Variants in SLC25A48 observed in about 807,000 individuals in gnomAD.
SLC25A48 encodes the protein solute carrier family 25 member 48, also known as CTC-321K16.1.
SLC25A48 carries 29 observed loss-of-function variants against 32.2 expected under a neutral mutation model. That is an observed-to-expected ratio of 0.90 (90% CI 0.67 to 1.23). The LOEUF (loss-of-function observed/expected upper bound fraction) is 1.23, where lower values mean the gene tolerates loss of function less well. Among genes scored for constraint, SLC25A48 ranks in the 50% most tolerant of loss-of-function variants. The probability of loss-of-function intolerance (pLI) is 0.00; values close to 1 mark genes in which losing one functional copy is unlikely to be tolerated. For missense variants in SLC25A48, 399 were observed against 422.7 expected, an observed-to-expected ratio of 0.94 and a Z score of 0.49; for synonymous variants, 164 against 172.3, an observed-to-expected ratio of 0.95 and a Z score of 0.38.
intron 3 of SLC25A48, among the ~76,000 whole-genome samples, chr5:135,654,174 G>A (rs17168792): frequency 0.02 from 2,999 of 152,286 alleles, 109 homozygotes; most frequent in African/African-American, 0.066. Context: ...AATAGTGCAA[G>A]AAGGCTGGAT....
At chr5:135,734,821 CA>C (rs1186711507) in intron 3 of SLC25A48, among the ~76,000 whole-genome samples, 55 of 116,768 alleles carry the variant, frequency 4.7e-4, no homozygotes, top group African/African-American at 6.1e-4. Flanking sequence ...CATCTCAAAA[CA>C]AAAAAAAAAA....
intron 1 of SLC25A48, among the ~76,000 whole-genome samples, chr5:135,580,024 C>T (rs888671209): frequency 6.6e-6 from 1 of 152,096 alleles, no homozygotes; most frequent in African/African-American, 2.4e-5. Flanking sequence ...TTGTCAGTAC[C>T]CAGGAAATGT....
intron 3 of SLC25A48, among the ~76,000 whole-genome samples, chr5:135,637,262 G>A (rs1233006732): frequency 1.3e-5 from 2 of 152,180 alleles, no homozygotes; most frequent in African/African-American, 4.8e-5. Flanking sequence ...TTGAACCAGA[G>A]GAGGAAAGCT....
At chr5:135,799,203 A>C (rs1020260600) in intron 3 of SLC25A48, among the ~76,000 whole-genome samples, 3 of 151,762 alleles carry the variant, frequency 2.0e-5, no homozygotes, top group African/African-American at 7.3e-5. Context: ...AGAGAATGCC[A>C]TTACTCCCAA....
chr5:135,875,024 G>T, intron 6 of SLC25A48: 1 of 335,286 alleles, frequency 3.0e-6, no homozygotes, highest in Non-Finnish European at 5.4e-6. Flanking sequence ...CGGGGCATTT[G>T]TGGGTTAATA....
intron 3 of SLC25A48, among the ~76,000 whole-genome samples, chr5:135,679,468 G>A (rs962369057): frequency 6.6e-6 from 1 of 152,170 alleles, no homozygotes; most frequent in African/African-American, 2.4e-5. Flanking sequence ...CCTGCTACTG[G>A]GGAGAGCAAG....
rs1161769219 is a variant in SLC25A48 at position 135,828,620 on chromosome 5, C to T, written c.-116-13796C>T. 2.6e-5 allele frequency among the ~76,000 whole-genome samples: 4 copies of T among 152,236 alleles called. No individual in the cohort carries two copies. The South Asian group carries it at 8.3e-4, about 31-fold the overall frequency. On this transcript the variant is annotated intron_variant, in intron 4 of 10. Transcript: ENST00000646290. ...GAGAAAAATGCTGGTTGCAAGGAGC[C>T]TGAGCCAGCCTCAGCATGGGCTATG...
chr5:135,638,554 T>C (rs1163479606), intron 3 of SLC25A48, among the ~76,000 whole-genome samples: 2 of 152,192 alleles, frequency 1.3e-5, no homozygotes, highest in African/African-American at 4.8e-5. Flanking sequence ...GCTCATTTTG[T>C]TTCTGAGTTG....
At chr5:135,734,786 C>T (rs1490844453) in intron 3 of SLC25A48, among the ~76,000 whole-genome samples, 1 of 144,888 alleles carries the variant, frequency 6.9e-6, no homozygotes, top group Non-Finnish European at 1.5e-5. Context: ...CACTGCACTC[C>T]AGCCTGGGCG....
intron 3 of SLC25A48, among the ~76,000 whole-genome samples, chr5:135,728,697 T>C (rs191782304): frequency 4.6e-5 from 7 of 152,332 alleles, no homozygotes; most frequent in Admixed American, 3.3e-4. Context: ...TTCTTGATTC[T>C]TCTGTTTTTC....
intron 3 of SLC25A48, among the ~76,000 whole-genome samples, chr5:135,778,069 C>T (rs143560300): frequency 1.7e-4 from 26 of 151,832 alleles, no homozygotes; most frequent in African/African-American, 6.3e-4. Context: ...GTACACCACC[C>T]CTGTGATATT....
chr5:135,732,125 G>C (rs1283749443), intron 3 of SLC25A48, among the ~76,000 whole-genome samples: 1 of 152,234 alleles, frequency 6.6e-6, no homozygotes, highest in East Asian at 1.9e-4. Context: ...TAAAAGTATT[G>C]TCCAGTCCTT....
intron 3 of SLC25A48, among the ~76,000 whole-genome samples, chr5:135,692,801 G>A (rs1392542072): frequency 6.6e-6 from 1 of 152,166 alleles, no homozygotes; most frequent in Non-Finnish European, 1.5e-5. Context: ...AATAGAATGT[G>A]GCTGCTAATT....
At chr5:135,769,083 C>A (rs928534057) in intron 3 of SLC25A48, among the ~76,000 whole-genome samples, 1 of 151,374 alleles carries the variant, frequency 6.6e-6, no homozygotes, top group Non-Finnish European at 1.5e-5. Flanking sequence ...GGGGTGTAAA[C>A]ACCTCTGAGA....
At chr5:135,681,951 G>A (rs1753907692) in intron 3 of SLC25A48, among the ~76,000 whole-genome samples, 1 of 152,022 alleles carries the variant, frequency 6.6e-6, no homozygotes, top group Non-Finnish European at 1.5e-5. Context: ...CCTTTTGGGT[G>A]GATTTTTCCT....
chr5:135,880,287 G>T (rs1762372325), intron 7 of SLC25A48, among the ~76,000 whole-genome samples, 190 bp downstream of exon 7: 1 of 152,040 alleles, frequency 6.6e-6, no homozygotes, highest in Non-Finnish European at 1.5e-5. Flanking sequence ...AGTGACTGGT[G>T]GTGTGCTGGG....
intron 1 of SLC25A48, among the ~76,000 whole-genome samples, chr5:135,839,033 C>T (rs2126692205): frequency 6.6e-6 from 1 of 152,354 alleles, no homozygotes; most frequent in South Asian, 2.1e-4. Flanking sequence ...GGAAAAGCCA[C>T]AGACACTCAT....
intron 3 of SLC25A48, among the ~76,000 whole-genome samples, chr5:135,737,866 G>T (rs760834093): frequency 6.6e-6 from 1 of 152,122 alleles, no homozygotes; most frequent in Non-Finnish European, 1.5e-5. Flanking sequence ...AGCACCCAGT[G>T]GTGTCTCAAA....
chr5:135,677,522 C>T (rs1753799841), intron 3 of SLC25A48, among the ~76,000 whole-genome samples: 1 of 151,818 alleles, frequency 6.6e-6, no homozygotes, highest in African/African-American at 2.4e-5. Flanking sequence ...CTTTCTTTTT[C>T]TCTTATTGAT....
Sources: gnomAD v4.1 joint callset for allele counts (sites outside exome capture counted in the v4.1 genomes callset) on GRCh38, gnomAD v4.1.1 for gene constraint, MANE v1.5 for transcripts, NCBI Gene and HGNC (gene_info 2026-07-23, HGNC 2026-07-21) for gene names.